Variants in KYNU observed in about 807,000 individuals in gnomAD.
KYNU encodes L-kynurenine hydrolase.
KYNU carries 54 observed loss-of-function variants against 59.2 expected under a neutral mutation model. That is an observed-to-expected ratio of 0.91 (90% CI 0.73 to 1.14). KYNU has a LOEUF of 1.14. Among genes scored for constraint, KYNU ranks in the 50% most tolerant of loss-of-function variants. The pLI is 0.00. For synonymous variants in KYNU, 177 were observed against 192.0 expected (o/e 0.92, Z 0.65); for missense variants, 567 against 554.4 (o/e 1.02, Z -0.23).
intron 8 of KYNU, among the ~76,000 whole-genome samples, chr2:142,968,172 A>G (rs1352069429): frequency 6.6e-6 from 1 of 152,170 alleles, no homozygotes; most frequent in Non-Finnish European, 1.5e-5. Flanking sequence ...TTATCAGTAC[A>G]TATTTGGTCA....
intron 4 of KYNU, among the ~76,000 whole-genome samples, chr2:142,933,980 TAGAC>T (rs1213076833): frequency 6.6e-6 from 1 of 152,150 alleles, no homozygotes; most frequent in African/African-American, 2.4e-5. Flanking sequence ...TGGGTGGTAT[TAGAC>T]AGAATTACGG....
At chr2:142,912,371 C>CTTTTTTTT (rs60854220) in intron 2 of KYNU, among the ~76,000 whole-genome samples, 89 of 89,498 alleles carry the variant, frequency 9.9e-4, no homozygotes, top group African/African-American at 1.2e-3. Context: ...TTTTGTATTT[C>CTTTTTTTT]TTTTTTTTTT....
intron 10 of KYNU, among the ~76,000 whole-genome samples, chr2:143,023,260 C>T (rs17808140): frequency 0.033 from 5,057 of 151,794 alleles, 122 homozygotes; most frequent in Non-Finnish European, 0.05. Context: ...TTTAAACTTG[C>T]CAGGTAATTG....
At chr2:142,932,224 A>T (rs1403256639) in intron 4 of KYNU, among the ~76,000 whole-genome samples, 1 of 152,156 alleles carries the variant, frequency 6.6e-6, no homozygotes, top group Non-Finnish European at 1.5e-5. Flanking sequence ...ACATGGAAAG[A>T]GTTGTGGAGT....
At chr2:143,013,688 C>T (rs557829606) in intron 10 of KYNU, among the ~76,000 whole-genome samples, 41 of 152,226 alleles carry the variant, frequency 2.7e-4, no homozygotes, top group African/African-American at 9.4e-4. Context: ...AGCTTAGTGA[C>T]TTTTGTTGTT....
At chr2:142,918,204 T>C (rs1311590252) in intron 2 of KYNU, among the ~76,000 whole-genome samples, 1 of 152,216 alleles carries the variant, frequency 6.6e-6, no homozygotes, top group Non-Finnish European at 1.5e-5. Flanking sequence ...TTGCCATGTC[T>C]ACAACACAAA....
At chr2:143,030,009 T>G (rs992358700) in intron 11 of KYNU, among the ~76,000 whole-genome samples, 6 of 152,232 alleles carry the variant, frequency 3.9e-5, no homozygotes, top group African/African-American at 1.4e-4. Context: ...TGGAGTCAGA[T>G]CCAGAAAGAC....
At chr2:143,004,895 C>T (rs1685824474) in intron 10 of KYNU, among the ~76,000 whole-genome samples, 1 of 152,190 alleles carries the variant, frequency 6.6e-6, no homozygotes, top group Non-Finnish European at 1.5e-5. Flanking sequence ...CCCCCCTCTA[C>T]TAACGGGGTC....
intron 10 of KYNU, among the ~76,000 whole-genome samples, chr2:143,020,778 A>T (rs1159253810): frequency 6.6e-6 from 1 of 152,214 alleles, no homozygotes; most frequent in Admixed American, 6.5e-5. Flanking sequence ...CTTCATACTT[A>T]TTCAAATACT....
chr2:142,947,458 C>T, intron 4 of KYNU: 1 of 422,274 alleles, frequency 2.4e-6, no homozygotes, highest in Non-Finnish European at 4.2e-6. Flanking sequence ...CTTTAAAAGC[C>T]TTTTTCCCAG....
At chr2:142,889,832 TAAAC>T (rs1296169409) in intron 2 of KYNU, among the ~76,000 whole-genome samples, 1 of 151,864 alleles carries the variant, frequency 6.6e-6, no homozygotes, top group African/African-American at 2.4e-5. Context: ...AGAACAGAAA[TAAAC>T]AAGTTTTGAA....
intron 8 of KYNU, among the ~76,000 whole-genome samples, chr2:142,966,194 AGAAT>A (rs1432631771): frequency 6.6e-6 from 1 of 152,232 alleles, no homozygotes; most frequent in Non-Finnish European, 1.5e-5. Context: ...TGTGTTAGGT[AGAAT>A]AGTTATTGGT....
intron 3 of KYNU, among the ~76,000 whole-genome samples, chr2:142,921,809 AATACATACATAC>A (rs11274854): frequency 0.036 from 5,336 of 147,960 alleles, 109 homozygotes; most frequent in Middle Eastern, 0.073. Flanking sequence ...CATGTCTTTA[AATACATACATAC>A]ATACATACAT....
At position 143,053,351 on chromosome 2, in the gene KYNU, C is replaced by G. The variant is rs1212687843; in HGVS notation, c.*11179C>G. ...TAAGGTCCATCTTTAAGCTTTGTCT[C>G]TGATGAGACTTTGGACTGCGGACTT... is the stretch of plus-strand genomic sequence containing the variant. On this transcript the variant is annotated 3_prime_UTR_variant, in exon 14 of 14. Transcript: ENST00000264170. The G allele has an allele frequency of 9.2e-5, 14 of 152,224 alleles. No individual in the cohort carries two copies. 9.4% of individuals were successfully genotyped at this position (152,224 alleles called of 1,614,324 possible). A position where few individuals can be genotyped will look rare whatever the true frequency, so the allele number is the denominator to read the frequency against.
At chr2:143,039,608 G>C (rs183799354) in intron 12 of KYNU, among the ~76,000 whole-genome samples, 137 of 152,188 alleles carry the variant, frequency 9.0e-4, no homozygotes, top group Admixed American at 2.0e-3. Context: ...GGGAGGAAGA[G>C]AGTTTTTATT....
intron 2 of KYNU, among the ~76,000 whole-genome samples, chr2:142,906,076 G>GTCTC (rs748036689): frequency 3.3e-4 from 47 of 141,834 alleles, no homozygotes; most frequent in African/African-American, 1.2e-3. Flanking sequence ...TCTCCTCTCT[G>GTCTC]TCTCTCTCTC....
rs1477079557 is a variant in KYNU at position 143,051,279 on chromosome 2, A to G, written c.*9107A>G. ...TTAGTATAAAAACAGGTAGGCTTAT[A>G]TTACATATTTCCAACTTCAAACTTG... On this transcript the variant is annotated 3_prime_UTR_variant, in exon 14 of 14. Transcript: ENST00000264170. 6.6e-6 allele frequency: 1 copy of G among 152,260 alleles called. No homozygotes were observed. The highest frequency in any genetic ancestry group is 1.9e-4 in the East Asian group (1 of 5,184). The allele number at this position is 152,260 out of a possible 1,614,324, so 9.4% of individuals were successfully genotyped here.
chr2:143,042,763 T>C lies in KYNU; in HGVS notation c.*591T>C, dbSNP rs940768052. On this transcript the variant is annotated 3_prime_UTR_variant, in exon 14 of 14. Coordinates refer to ENST00000264170, the MANE Select transcript of KYNU (RefSeq NM_003937.3). ...TCAGAAACCAGTATTTATGTGAATA[T>C]ATGAGAAATATTATTGATTCTAAGA... 6.6e-6 allele frequency: 1 copy of C among 151,082 alleles called. No homozygotes were observed. Among genetic ancestry groups the C allele is most frequent in the African/African-American group, 2.4e-5 (1 of 41,144 alleles). 9.4% of individuals were successfully genotyped at this position (151,082 alleles called of 1,614,324 possible).
At chr2:142,909,357 T>A (rs972242841) in intron 2 of KYNU, among the ~76,000 whole-genome samples, 1 of 152,206 alleles carries the variant, frequency 6.6e-6, no homozygotes, top group African/African-American at 2.4e-5. Flanking sequence ...TTTTTTTAAT[T>A]TCAACTTATA....
Sources: gnomAD v4.1 joint callset for allele counts (sites outside exome capture counted in the v4.1 genomes callset) on GRCh38, gnomAD v4.1.1 for gene constraint, MANE v1.5 for transcripts, NCBI Gene and HGNC (gene_info 2026-07-23, HGNC 2026-07-21) for gene names.